The following REDIC1 variants were observed in gnomAD, a reference collection of about 807,000 sequenced individuals.
The protein encoded by REDIC1 is regulator of DNA class I crossover intermediates 1.
the REDIC1 span, among the ~76,000 whole-genome samples, chr12:39,843,699 C>G: frequency 6.6e-6 from 1 of 152,014 alleles, no homozygotes; most frequent in Non-Finnish European, 1.5e-5. Flanking sequence ...ATCTTGAAGC[C>G]TTGAAGTGAG....
the REDIC1 span, among the ~76,000 whole-genome samples, chr12:39,857,935 C>G: frequency 1.3e-5 from 2 of 152,100 alleles, no homozygotes; most frequent in South Asian, 4.1e-4. Context: ...TCTGGCTTCC[C>G]AAGAAGCATT....
At chr12:39,759,136 T>A in the REDIC1 span, 2 of 152,494 alleles carry the variant, frequency 1.3e-5, no homozygotes, top group Non-Finnish European at 2.9e-5. Context: ...GAAGGTGTAG[T>A]GATTTGGGCA....
the REDIC1 span, among the ~76,000 whole-genome samples, chr12:39,626,607 C>A: frequency 1.3e-5 from 2 of 152,224 alleles, no homozygotes; most frequent in Non-Finnish European, 2.9e-5. Context: ...GAGTAACCTT[C>A]CCTGCTGCCC....
the REDIC1 span, among the ~76,000 whole-genome samples, chr12:39,654,064 T>C: frequency 2.0e-5 from 3 of 151,922 alleles, no homozygotes; most frequent in African/African-American, 4.8e-5. Context: ...AATTATGATG[T>C]TGTTTTTTTT....
the REDIC1 span, among the ~76,000 whole-genome samples, chr12:39,694,927 G>A: frequency 5.3e-5 from 8 of 152,126 alleles, no homozygotes; most frequent in Non-Finnish European, 2.9e-5. Context: ...GTAAGATAGG[G>A]CACTGGTCAG....
chr12:39,902,953 G>A, the REDIC1 span, among the ~76,000 whole-genome samples: 1 of 152,008 alleles, frequency 6.6e-6, no homozygotes, highest in African/African-American at 2.4e-5. Context: ...TGTTGACTAC[G>A]TTCCAGGAAA....
chr12:39,659,563 TC>T, the REDIC1 span, among the ~76,000 whole-genome samples: 2 of 152,166 alleles, frequency 1.3e-5, no homozygotes, highest in Non-Finnish European at 2.9e-5. Flanking sequence ...CTGCTGGTAA[TC>T]CCATCCAGTG....
chr12:39,721,881 T>C, the REDIC1 span: 1 of 152,102 alleles, frequency 6.6e-6, no homozygotes. Flanking sequence ...TATAAAATAA[T>C]TGTTTGAAAT....
At chr12:39,877,183 A>G in the REDIC1 span, among the ~76,000 whole-genome samples, 1 of 152,172 alleles carries the variant, frequency 6.6e-6, no homozygotes, top group Non-Finnish European at 1.5e-5. Flanking sequence ...ATAAAGACAC[A>G]TCTAAGACTG....
the REDIC1 span, among the ~76,000 whole-genome samples, chr12:39,694,001 G>T: frequency 6.6e-6 from 1 of 152,270 alleles, no homozygotes; most frequent in South Asian, 2.1e-4. Context: ...TCTCACAGGG[G>T]GACGGATAGA....
chr12:39,655,070 G>A, the REDIC1 span, among the ~76,000 whole-genome samples: 1 of 151,972 alleles, frequency 6.6e-6, no homozygotes, highest in Non-Finnish European at 1.5e-5. Context: ...TAAGATTGGT[G>A]TTTATATCAC....
At chr12:39,868,093 TA>T in the REDIC1 span, among the ~76,000 whole-genome samples, 2 of 152,222 alleles carry the variant, frequency 1.3e-5, no homozygotes, top group African/African-American at 4.8e-5. Context: ...TGTTAGTATT[TA>T]AAATCAATCT....
the REDIC1 span, among the ~76,000 whole-genome samples, chr12:39,887,891 A>G: frequency 0.72 from 109,506 of 152,058 alleles, 39,577 homozygotes; most frequent in South Asian, 0.77. Flanking sequence ...TGGGAGAGAG[A>G]TGGTTTGAAC....
the REDIC1 span, among the ~76,000 whole-genome samples, chr12:39,745,602 T>G: frequency 0.13 from 20,411 of 152,288 alleles, 1,649 homozygotes; most frequent in East Asian, 0.39. Flanking sequence ...GGAATAATTA[T>G]AAAATGCAAA....
At chr12:39,711,372 T>G in the REDIC1 span, among the ~76,000 whole-genome samples, 1 of 146,842 alleles carries the variant, frequency 6.8e-6, no homozygotes, top group Non-Finnish European at 1.5e-5. Context: ...TATATACACA[T>G]ATACATATAT....
At chr12:39,711,751 ATGCATG>A in the REDIC1 span, among the ~76,000 whole-genome samples, 1,687 of 104,632 alleles carry the variant, frequency 0.016, 30 homozygotes, top group Non-Finnish European at 0.018. Flanking sequence ...GTGTATACAC[ATGCATG>A]TGTATGTGTG....
At chr12:39,783,188 A>T in the REDIC1 span, among the ~76,000 whole-genome samples, 10 of 152,186 alleles carry the variant, frequency 6.6e-5, no homozygotes, top group Non-Finnish European at 1.2e-4. Flanking sequence ...TGTCCCTACG[A>T]AGGACATGAA....
chr12:39,668,475 C>A, the REDIC1 span, among the ~76,000 whole-genome samples: 1 of 152,158 alleles, frequency 6.6e-6, no homozygotes, highest in Non-Finnish European at 1.5e-5. Context: ...GGTAACCCAA[C>A]CTTTCTCTCT....
the REDIC1 span, among the ~76,000 whole-genome samples, chr12:39,628,496 A>G: frequency 2.6e-5 from 4 of 152,132 alleles, no homozygotes; most frequent in Non-Finnish European, 5.9e-5. Flanking sequence ...ACCCCCCTCC[A>G]TTGTTAGGGA....
Sources: allele counts gnomAD v4.1 joint callset (sites outside exome capture counted in the v4.1 genomes callset), GRCh38; gene constraint gnomAD v4.1.1; transcripts MANE v1.5; gene names NCBI Gene and HGNC (gene_info 2026-07-23, HGNC 2026-07-21).